KIF13B: variants seen among roughly 807,000 people sequenced by gnomAD.
KIF13B encodes the protein kinesin family member 13B, also known as kinesin-like protein KIF13B.
In KIF13B, 127 loss-of-function variants were observed where a neutral mutation model predicts 222.0. That is an observed-to-expected ratio of 0.57 (90% confidence interval 0.50 to 0.66). The LOEUF (loss-of-function observed/expected upper bound fraction) is 0.66, where lower values mean the gene tolerates loss of function less well. Ranked by LOEUF, KIF13B falls within the 30% of genes least tolerant of loss-of-function variation. KIF13B has a pLI of 0.00. For missense variants in KIF13B, 2,173 were observed against 2,379.0 expected, an observed-to-expected ratio of 0.91 and a Z score of 1.80; for synonymous variants, 976 against 919.0, an observed-to-expected ratio of 1.06 and a Z score of -1.12.
chr8:29,230,537 T>G (rs1320452501), intron 2 of KIF13B, among the ~76,000 whole-genome samples: 1 of 152,240 alleles, frequency 6.6e-6, no homozygotes, highest in East Asian at 1.9e-4. Flanking sequence ...GACAAGGGCA[T>G]GCGAGAGGAC....
intron 13 of KIF13B, among the ~76,000 whole-genome samples, chr8:29,157,912 G>A (rs1215463303): frequency 6.6e-6 from 1 of 150,600 alleles, no homozygotes; most frequent in Non-Finnish European, 1.5e-5. Flanking sequence ...ATTCTTACCC[G>A]GGCTTACAAA....
chr8:29,162,071 G>T (rs527583644), intron 12 of KIF13B, among the ~76,000 whole-genome samples: 1 of 152,108 alleles, frequency 6.6e-6, no homozygotes, highest in Non-Finnish European at 1.5e-5. Context: ...TCTGTACATC[G>T]TAAGGATATG....
intron 2 of KIF13B, among the ~76,000 whole-genome samples, chr8:29,216,234 A>G (rs1487068386): frequency 6.6e-6 from 1 of 152,254 alleles, no homozygotes; most frequent in African/African-American, 2.4e-5. Flanking sequence ...TAAGGAAGGC[A>G]TATCACAAAC....
intron 37 of KIF13B, among the ~76,000 whole-genome samples, chr8:29,086,523 T>TAATAA (rs1183143468): frequency 6.6e-6 from 1 of 152,100 alleles, no homozygotes; most frequent in African/African-American, 2.4e-5. Flanking sequence ...TGGTCTCAAA[T>TAATAA]AATAAAATAA....
At chr8:29,248,006 G>A (rs982518333) in intron 1 of KIF13B, among the ~76,000 whole-genome samples, 10 of 151,902 alleles carry the variant, frequency 6.6e-5, no homozygotes, top group Non-Finnish European at 1.5e-4. Flanking sequence ...ATACCATCTC[G>A]CATCCACTGG....
chr8:29,176,480 A>G (rs1383890051), intron 9 of KIF13B, among the ~76,000 whole-genome samples: 4 of 152,178 alleles, frequency 2.6e-5, no homozygotes, highest in Non-Finnish European at 4.4e-5. Context: ...GAAACACAAT[A>G]ATTAAACCAT....
rs1482584783 is a variant in KIF13B at position 29,087,778 on chromosome 8, A to G, written c.4458+4967T>C. 2.6e-5 allele frequency among the ~76,000 whole-genome samples: 4 copies of G among 152,282 alleles called. 1 individual carries two copies. In the East Asian group the frequency reaches 7.7e-4, roughly 29 times the overall value. ...TGTAGAATGACGAAGCGTTTCCCAG[A>G]TGAGATGTGGGAGACTCATCTAGAG... On this transcript the variant is annotated intron_variant, in intron 37 of 39. Transcript: ENST00000524189.
At chr8:29,095,053 A>C (rs1229063906) in intron 36 of KIF13B, among the ~76,000 whole-genome samples, 3 of 152,144 alleles carry the variant, frequency 2.0e-5, no homozygotes, top group Non-Finnish European at 4.4e-5. Context: ...GATTCTCAGA[A>C]AGAGCAGAGA....
At chr8:29,191,331 T>A (rs1214055008) in intron 3 of KIF13B, among the ~76,000 whole-genome samples, 1 of 152,006 alleles carries the variant, frequency 6.6e-6, no homozygotes, top group African/African-American at 2.4e-5. Context: ...ACATCTATAG[T>A]TTATTTTTTT....
intron 2 of KIF13B, among the ~76,000 whole-genome samples, chr8:29,239,816 C>A (rs1439171712): frequency 6.6e-6 from 1 of 152,130 alleles, no homozygotes; most frequent in East Asian, 1.9e-4. Flanking sequence ...GTGCCCGCCA[C>A]CATGCCTGGC....
rs533224753 is a variant in KIF13B, at chr8:29,100,810, G to C, written c.4216-1569C>G. On this transcript the variant is annotated intron_variant, in intron 35 of 39. Transcript: ENST00000524189. ...GGACAGTGAGTTCTCCACTGCTCTTGAAGATGGATTGTGGAGGAAGGGCCT... is the reference window on the plus strand; with the variant it reads ...GGACAGTGAGTTCTCCACTGCTCTTCAAGATGGATTGTGGAGGAAGGGCCT... Among the ~76,000 whole-genome samples the C allele has an allele frequency of 4.9e-4, 74 of 152,328 alleles. 1 individual carries two copies. Among genetic ancestry groups the C allele is most frequent in the African/African-American group, 1.7e-3 (71 of 41,574 alleles).
At chr8:29,245,982 G>A (rs929883772) in intron 1 of KIF13B, among the ~76,000 whole-genome samples, 1 of 152,142 alleles carries the variant, frequency 6.6e-6, no homozygotes, top group African/African-American at 2.4e-5. Context: ...AGAAATGCAA[G>A]ACTTATCACT....
At chr8:29,119,044 CCTA>C (rs1416041927) in intron 29 of KIF13B, 52 bp from the exon 30 acceptor site, 1 of 1,552,560 alleles carries the variant, frequency 6.4e-7, no homozygotes, top group Admixed American at 2.0e-5. Context: ...AAGGATAACC[CCTA>C]CCAGCTAAAT....
At chr8:29,096,889 A>G (rs1808558129) in intron 36 of KIF13B, among the ~76,000 whole-genome samples, 1 of 152,150 alleles carries the variant, frequency 6.6e-6, no homozygotes, top group Admixed American at 6.5e-5. Context: ...ATTAACCCAA[A>G]AGAAGGTAAA....
At chr8:29,249,200 G>A (rs1428458395) in intron 1 of KIF13B, among the ~76,000 whole-genome samples, 1 of 152,132 alleles carries the variant, frequency 6.6e-6, no homozygotes, top group Admixed American at 6.5e-5. Context: ...GGCCGAGAAG[G>A]GTGGATCACT....
intron 2 of KIF13B, among the ~76,000 whole-genome samples, chr8:29,208,900 T>C (rs1743653597): frequency 6.6e-6 from 1 of 152,172 alleles, no homozygotes; most frequent in African/African-American, 2.4e-5. Flanking sequence ...TTTTCTCCAC[T>C]ATAAAGTTTC....
rs768469903 is a variant in KIF13B at position 29,132,372 on chromosome 8, G to A, written c.2878C>T (p.Arg960Trp). Residue 960 changes from arginine to tryptophan, a missense_variant, in exon 23 of 40, where the codon CGG becomes TGG. By Grantham distance (101) the Arg-to-Trp change is moderately radical. Around this residue, in one of 2 missense-constraint regions of KIF13B, gnomAD observed 1,480 missense variants for 1,722.8 expected, o/e 0.86. Coordinates refer to ENST00000524189, the MANE Select transcript of KIF13B (RefSeq NM_015254.4). ...EVYGHKINDP[R>W]KNPALWDLGI... The stretch of plus-strand genomic sequence containing the variant: ...AAATCCCACAGGGCGGGGTTTTTCC[G>A]GGGATCGTTTATTTTATGTCCATAT... The A allele has an allele frequency of 4.0e-5, 64 of 1,593,214 alleles. No homozygotes were observed. Among genetic ancestry groups the A allele is most frequent in the East Asian group, 2.1e-4 (9 of 43,532 alleles).
intron 7 of KIF13B, among the ~76,000 whole-genome samples, chr8:29,180,470 C>CA (rs1173822713): frequency 6.6e-6 from 1 of 152,134 alleles, no homozygotes; most frequent in Non-Finnish European, 1.5e-5. Context: ...AGCCTTGACT[C>CA]AAAGTTCAGA....
intron 35 of KIF13B, among the ~76,000 whole-genome samples, chr8:29,105,146 T>C (rs1028498097): frequency 1.3e-5 from 2 of 152,102 alleles, no homozygotes; most frequent in Non-Finnish European, 2.9e-5. Context: ...TTTTAAATTT[T>C]TTTTTGCAGA....
Sources: gnomAD v4.1 joint callset for allele counts (sites outside exome capture counted in the v4.1 genomes callset) on GRCh38, gnomAD v4.1.1 for gene constraint, gnomAD v4.1.1 regional missense constraint, MANE v1.5 for transcripts, NCBI Gene and HGNC (gene_info 2026-07-23, HGNC 2026-07-21) for gene names.